PKHD1L1: variants seen among roughly 807,000 people sequenced by gnomAD.
The protein encoded by PKHD1L1 is fibrocystin-L.
Under a neutral mutation model 462.9 loss-of-function variants are expected in PKHD1L1, and 434 were observed. That is an observed-to-expected ratio of 0.94 (90% CI 0.87 to 1.02). PKHD1L1 has a LOEUF of 1.02. PKHD1L1 is among the 50% of genes least tolerant of loss of function. The probability of loss-of-function intolerance (pLI) is 0.00; values close to 1 mark genes in which losing one functional copy is unlikely to be tolerated. For synonymous variants in PKHD1L1, 1,781 were observed against 1,750.0 expected (o/e 1.02, Z -0.44); for missense variants, 5,202 against 5,096.1 (o/e 1.02, Z -0.63).
At chr8:109,471,671 G>A (rs1303758980) in intron 50 of PKHD1L1, among the ~76,000 whole-genome samples, 5 of 152,202 alleles carry the variant, frequency 3.3e-5, no homozygotes, top group Middle Eastern at 6.8e-3. Context: ...CACAAAATGC[G>A]CTTCTATTTA....
intron 23 of PKHD1L1, among the ~76,000 whole-genome samples, chr8:109,422,218 G>C (rs1814509828): frequency 1.4e-5 from 2 of 146,136 alleles, no homozygotes; most frequent in Non-Finnish European, 2.9e-5. Flanking sequence ...TTTTTCCAGG[G>C]TTGTGTGTGT....
chr8:109,522,812 A>G lies in PKHD1L1; in HGVS notation c.12252A>G (p.Leu4084=). The G allele has an allele frequency of 6.2e-7, 1 of 1,612,452 alleles. No homozygotes were observed. The highest frequency in any genetic ancestry group is 8.5e-7 in the Non-Finnish European group (1 of 1,179,432). The part of the protein sequence containing the change: ...VHHVAFVSSL[L]VITQPVAAQP... Reference sequence around the variant, plus strand: ...ACGTGGCCTTCGTGTCCTCACTCTTAGTGATCACTCAGCCGGTGGCAGCAC... The same window carrying G: ...ACGTGGCCTTCGTGTCCTCACTCTTGGTGATCACTCAGCCGGTGGCAGCAC... The change falls in exon 75 of 78, where the codon TTA becomes TTG. Residue 4084 remains leucine, a synonymous_variant. Coordinates refer to ENST00000378402, the MANE Select transcript of PKHD1L1 (RefSeq NM_177531.6).
intron 55 of PKHD1L1, among the ~76,000 whole-genome samples, 153 bp downstream of exon 55, chr8:109,480,292 A>G (rs1818211777): frequency 6.6e-6 from 1 of 152,098 alleles, no homozygotes; most frequent in African/African-American, 2.4e-5. Flanking sequence ...TAAGTCCAAT[A>G]TATTTCTGTT....
chr8:109,376,587 T>A (rs1467647685), intron 2 of PKHD1L1, among the ~76,000 whole-genome samples: 1 of 152,132 alleles, frequency 6.6e-6, no homozygotes, highest in Non-Finnish European at 1.5e-5. Flanking sequence ...GTCTTCTGCA[T>A]CGCTCATGCT....
intron 42 of PKHD1L1, 103 bp from the exon 43 acceptor site, chr8:109,452,615 T>C: frequency 1.8e-6 from 1 of 553,582 alleles, no homozygotes; most frequent in Non-Finnish European, 2.6e-6. Flanking sequence ...ATTTACTATA[T>C]AATATAAATA....
chr8:109,519,955 G>A (rs576101089), intron 73 of PKHD1L1, among the ~76,000 whole-genome samples: 1 of 152,174 alleles, frequency 6.6e-6, no homozygotes, highest in South Asian at 2.1e-4. Flanking sequence ...TGCCACTAGA[G>A]ATCTTCACTC....
chr8:109,430,104 T>C, intron 27 of PKHD1L1, 67 bp downstream of exon 27: 1 of 1,020,542 alleles, frequency 9.8e-7, no homozygotes, highest in South Asian at 1.5e-5. Flanking sequence ...ACTCTGATAA[T>C]GACTTTTAAA....
chr8:109,412,475 A>G, intron 20 of PKHD1L1, 61 bp downstream of exon 20: 1 of 1,467,540 alleles, frequency 6.8e-7, no homozygotes, highest in East Asian at 2.4e-5. Context: ...ATAAAATTTC[A>G]TGAAATTTTA....
chr8:109,526,192 T>C (rs538853612), intron 76 of PKHD1L1, among the ~76,000 whole-genome samples: 1 of 152,334 alleles, frequency 6.6e-6, no homozygotes, highest in Non-Finnish European at 1.5e-5. Context: ...CTAAAATGTC[T>C]ACCTGGAATA....
At chr8:109,405,820 A>T (rs970198439) in intron 16 of PKHD1L1, among the ~76,000 whole-genome samples, 2 of 152,154 alleles carry the variant, frequency 1.3e-5, no homozygotes, top group African/African-American at 4.8e-5. Flanking sequence ...TGTAACAAAC[A>T]TGCACATCCT....
chr8:109,486,903 AC>A, intron 59 of PKHD1L1, 82 bp downstream of exon 59: 1 of 1,305,706 alleles, frequency 7.7e-7, no homozygotes, highest in Non-Finnish European at 1.0e-6. Flanking sequence ...CATAATTCTC[AC>A]TTTTTTAATA....
chr8:109,365,979 G>GAAGAAGAA (rs1219571072), intron 2 of PKHD1L1, among the ~76,000 whole-genome samples: 3 of 151,928 alleles, frequency 2.0e-5, no homozygotes, highest in Non-Finnish European at 2.9e-5. Context: ...TCTCAAAGAA[G>GAAGAAGAA]AAGAAGAAAA....
Position 109,486,660 on chromosome 8 carries a change from A to G in PKHD1L1, c.9719A>G (p.His3240Arg). ...CTTTATACTGCAGCTGAAAAATACCATGTCCCTGGAACTGGTGAGAGCTAC... is the reference window on the plus strand; with the variant it reads ...CTTTATACTGCAGCTGAAAAATACCGTGTCCCTGGAACTGGTGAGAGCTAC... ...LSYTHFAEKYHVPGTGESYTL... is the reference protein window; with the variant it reads ...LSYTHFAEKYRVPGTGESYTL... Residue 3240 changes from histidine to arginine, a missense_variant, in exon 59 of 78, where the codon CAT (histidine) becomes CGT (arginine). His to Arg is a conservative substitution (Grantham distance 29). Around this residue, in one of 3 missense-constraint regions of PKHD1L1, gnomAD observed 4,497 missense variants for 4,336.8 expected, o/e 1.04. Transcript: ENST00000378402. The G allele has an allele frequency of 6.2e-7, 1 of 1,610,978 alleles. No individual in the cohort carries two copies. Among genetic ancestry groups the G allele is most frequent in the African/African-American group, 1.3e-5 (1 of 74,826 alleles).
At chr8:109,459,965 T>TTAC in intron 47 of PKHD1L1, 129 bp downstream of exon 47, 1 of 763,672 alleles carries the variant, frequency 1.3e-6, no homozygotes, top group Non-Finnish European at 1.8e-6. Flanking sequence ...TTAATGATAT[T>TTAC]AATCTTATAA....
intron 23 of PKHD1L1, among the ~76,000 whole-genome samples, chr8:109,424,861 C>T (rs990832991): frequency 6.6e-6 from 1 of 152,052 alleles, no homozygotes; most frequent in African/African-American, 2.4e-5. Flanking sequence ...TACTGCAGTT[C>T]CAGCTGATTG....
At chr8:109,415,570 A>C (rs1814105787) in intron 21 of PKHD1L1, among the ~76,000 whole-genome samples, 1 of 152,124 alleles carries the variant, frequency 6.6e-6, no homozygotes, top group Non-Finnish European at 1.5e-5. Context: ...GAAAGGTGAC[A>C]AAAGATGGGA....
intron 30 of PKHD1L1, 22 bp downstream of exon 30, chr8:109,436,481 A>G (rs1277933605): frequency 6.2e-7 from 1 of 1,609,908 alleles, no homozygotes; most frequent in East Asian, 2.2e-5. Context: ...GATTTCAGTC[A>G]CTTTTTCCTC....
chr8:109,526,549 A>G (rs1398882474), intron 76 of PKHD1L1, among the ~76,000 whole-genome samples: 1 of 152,196 alleles, frequency 6.6e-6, no homozygotes, highest in Non-Finnish European at 1.5e-5. Flanking sequence ...GCTGCTGCAG[A>G]AAGAAAATCT....
At chr8:109,462,143 G>A (rs572013587) in intron 48 of PKHD1L1, among the ~76,000 whole-genome samples, 44 of 152,196 alleles carry the variant, frequency 2.9e-4, no homozygotes, top group African/African-American at 1.1e-3. Flanking sequence ...ACAAAATGCT[G>A]TAACCAGAAT....
Sources: allele counts gnomAD v4.1 joint callset (sites outside exome capture counted in the v4.1 genomes callset), GRCh38; gene constraint gnomAD v4.1.1; regional missense constraint gnomAD v4.1.1; transcripts MANE v1.5; gene names NCBI Gene and HGNC (gene_info 2026-07-23, HGNC 2026-07-21).